PCDHA10: variants seen among roughly 807,000 people sequenced by gnomAD.
PCDHA10 encodes protocadherin alpha-10.
Under a neutral mutation model 61.2 loss-of-function variants are expected in PCDHA10, and 45 were observed. The ratio of observed to expected loss-of-function variants is 0.74; its 90% CI spans 0.58 to 0.94. The LOEUF (loss-of-function observed/expected upper bound fraction) is 0.94. Ranked by LOEUF, PCDHA10 falls within the 40% of genes least tolerant of loss-of-function variation. PCDHA10 has a pLI of 0.00. For synonymous variants in PCDHA10, 602 were observed against 548.8 expected, an observed-to-expected ratio of 1.10 and a Z score of -1.35; for missense variants, 1,278 against 1,236.2, an observed-to-expected ratio of 1.03 and a Z score of -0.51.
chr5:140,882,462 G>T, intron 1 of PCDHA10: 1 of 1,614,036 alleles, frequency 6.2e-7, no homozygotes, highest in Non-Finnish European at 8.5e-7. Context: ...CGCCTGTTCC[G>T]GGTGGCGTCC....
At chr5:140,967,354 C>T in intron 1 of PCDHA10, 1 of 1,607,952 alleles carries the variant, frequency 6.2e-7, no homozygotes, top group South Asian at 1.1e-5. Flanking sequence ...TCGAGCTGGA[C>T]CTTAAGCCCC....
rs1236174883 is a variant in PCDHA10 at position 140,948,633 on chromosome 5, C to T, written c.2389-30316C>T. Among the ~76,000 whole-genome samples the T allele has an allele frequency of 2.6e-5, 4 of 151,768 alleles. No individual in the cohort carries two copies. The East Asian group carries it at 7.7e-4, about 29-fold the overall frequency. ...GGCACAAAGTTGTTAATAATATTCTCTCATCTTTTAACGTCTGTATAATCT... is the reference window on the plus strand; with the variant it reads ...GGCACAAAGTTGTTAATAATATTCTTTCATCTTTTAACGTCTGTATAATCT... On this transcript the variant is annotated intron_variant, in intron 1 of 3. Transcript: ENST00000307360.
At chr5:141,003,680 T>C (rs1167133667) in intron 3 of PCDHA10, among the ~76,000 whole-genome samples, 1 of 152,198 alleles carries the variant, frequency 6.6e-6, no homozygotes, top group African/African-American at 2.4e-5. Flanking sequence ...GTTGTTCTGA[T>C]TTTAAAATAT....
chr5:140,884,159 A>T, intron 1 of PCDHA10: 3 of 1,613,418 alleles, frequency 1.9e-6, no homozygotes, highest in Non-Finnish European at 2.5e-6. Context: ...CACTGGCGAG[A>T]TCAGCACGAC....
intron 1 of PCDHA10, chr5:140,860,073 G>A (rs1441059020): frequency 4.0e-5 from 6 of 151,782 alleles, no homozygotes; most frequent in African/African-American, 1.5e-4. Flanking sequence ...AGGATGGTTT[G>A]AGGCCAGGAG....
intron 1 of PCDHA10, among the ~76,000 whole-genome samples, chr5:140,952,513 A>G (rs533436826): frequency 6.6e-6 from 1 of 152,028 alleles, no homozygotes; most frequent in Non-Finnish European, 1.5e-5. Flanking sequence ...CCTCATCTCC[A>G]TCTGAGACCT....
chr5:141,001,286 A>G (rs1375093882), intron 3 of PCDHA10, among the ~76,000 whole-genome samples: 1 of 152,160 alleles, frequency 6.6e-6, no homozygotes, highest in Non-Finnish European at 1.5e-5. Context: ...TACGGATGAA[A>G]ACTGAGGCCC....
At chr5:140,868,100 AT>A (rs2050277597) in intron 1 of PCDHA10, 2 of 152,142 alleles carry the variant, frequency 1.3e-5, no homozygotes, top group South Asian at 4.1e-4. Context: ...TGATAATAAA[AT>A]TTATTTTATA....
At chr5:141,004,449 A>G (rs2098166973) in intron 3 of PCDHA10, among the ~76,000 whole-genome samples, 1 of 152,180 alleles carries the variant, frequency 6.6e-6, no homozygotes. Flanking sequence ...GTCATATAGA[A>G]CCAGGAAGCT....
intron 1 of PCDHA10, chr5:140,875,630 G>A: frequency 6.2e-7 from 1 of 1,613,686 alleles, no homozygotes. Context: ...CAGGACCTGG[G>A]GCTGGAGCTG....
At chr5:140,915,772 G>A (rs1282338375) in intron 1 of PCDHA10, among the ~76,000 whole-genome samples, 1 of 151,950 alleles carries the variant, frequency 6.6e-6, no homozygotes, top group East Asian at 1.9e-4. Flanking sequence ...CTTGTCCAAG[G>A]CCTGCTGTAA....
At chr5:140,919,012 C>T (rs1411489160) in intron 1 of PCDHA10, among the ~76,000 whole-genome samples, 1 of 152,164 alleles carries the variant, frequency 6.6e-6, no homozygotes, top group Non-Finnish European at 1.5e-5. Flanking sequence ...CTTTCATTTC[C>T]TAGTGATCTT....
At chr5:140,997,472 C>CACA (rs1386540010) in intron 3 of PCDHA10, among the ~76,000 whole-genome samples, 12 of 152,120 alleles carry the variant, frequency 7.9e-5, no homozygotes, top group Non-Finnish European at 1.8e-4. Context: ...GCAATTTTTA[C>CACA]ACAATGATAA....
chr5:140,866,796 G>T (rs1360079320), intron 1 of PCDHA10: 1 of 152,128 alleles, frequency 6.6e-6, no homozygotes, highest in African/African-American at 2.4e-5. Flanking sequence ...TATAGTAAAA[G>T]TCAGGCACAA....
chr5:140,876,802 G>C, intron 1 of PCDHA10: 2 of 1,614,248 alleles, frequency 1.2e-6, no homozygotes. Context: ...AGTGTCCGTG[G>C]AGGTGGCCGA....
chr5:140,870,382 C>T, intron 1 of PCDHA10: 1 of 1,614,178 alleles, frequency 6.2e-7, no homozygotes, highest in Non-Finnish European at 8.5e-7. Context: ...GGTGACTGCG[C>T]GGGATGGGGG....
intron 1 of PCDHA10, chr5:140,863,982 CAG>C (rs1167037323): frequency 6.5e-6 from 1 of 152,978 alleles, no homozygotes; most frequent in Non-Finnish European, 1.5e-5. Context: ...GCCTGGGAGA[CAG>C]GGTGAAACTC....
intron 3 of PCDHA10, among the ~76,000 whole-genome samples, chr5:140,987,261 T>C (rs1245588314): frequency 6.6e-6 from 1 of 151,964 alleles, no homozygotes; most frequent in African/African-American, 2.4e-5. Context: ...TTCTCAGGAA[T>C]GGGACCCGGC....
At chr5:140,959,800 G>A (rs193288186) in intron 1 of PCDHA10, among the ~76,000 whole-genome samples, 1 of 152,080 alleles carries the variant, frequency 6.6e-6, no homozygotes, top group Admixed American at 6.5e-5. Context: ...CTAATTTAGA[G>A]GATTTATATT....
Sources: gnomAD v4.1 joint callset for allele counts (sites outside exome capture counted in the v4.1 genomes callset) on GRCh38, gnomAD v4.1.1 for gene constraint, MANE v1.5 for transcripts, NCBI Gene and HGNC (gene_info 2026-07-23, HGNC 2026-07-21) for gene names.